Variants in FSIP2 observed in about 807,000 individuals in gnomAD.
FSIP2 encodes fibrous sheath-interacting protein 2.
FSIP2 carries 367 observed loss-of-function variants against 510.5 expected under a neutral mutation model. That is an observed-to-expected ratio of 0.72 (90% CI 0.66 to 0.78). The LOEUF (loss-of-function observed/expected upper bound fraction) is 0.78. Ranked by LOEUF, FSIP2 falls within the 30% of genes least tolerant of loss-of-function variation. The pLI, the probability that FSIP2 is intolerant of heterozygous loss-of-function variation, is 0.00. For missense variants in FSIP2, 7,594 were observed against 7,901.7 expected, an observed-to-expected ratio of 0.96 and a Z score of 1.48; for synonymous variants, 2,601 against 2,732.2, an observed-to-expected ratio of 0.95 and a Z score of 1.50.
chr2:185,791,225 T>C lies in FSIP2; in HGVS notation c.4089T>C (p.Asp1363=). Residue 1363 remains aspartate, a synonymous_variant, in exon 16 of 23, where the codon GAT becomes GAC. Coordinates refer to ENST00000424728, the MANE Select transcript of FSIP2 (RefSeq NM_173651.4). ...LASPLLTCIY[D]MLLSSENAHQ... ...GTCCATTATTAACCTGTATTTATGA[T>C]ATGTTGTTATCAAGTGAAAATGCAC... 1 of 1,533,870 alleles carries C rather than the reference T, an allele frequency of 6.5e-7. No homozygotes were observed. Among genetic ancestry groups the C allele is most frequent in the African/African-American group, 1.4e-5 (1 of 73,016 alleles).
chr2:185,747,964 CTGTT>C (rs565387535), intron 7 of FSIP2, among the ~76,000 whole-genome samples: 197 of 152,050 alleles, frequency 1.3e-3, no homozygotes, highest in Non-Finnish European at 2.4e-3. Flanking sequence ...GTTCTGTAGG[CTGTT>C]TTTTTCATGT....
Position 185,763,220 on chromosome 2 carries a change from A to G in FSIP2, c.1278A>G (p.Ser426=), listed in dbSNP as rs1415596511. Residue 426 remains serine, a synonymous_variant, in exon 12 of 23, where the codon TCA becomes TCG. Transcript: ENST00000424728. The stretch of plus-strand genomic sequence containing the variant: ...TTTCAGGCCAAGGTTCAATTATTTC[A>G]GCGCAGGTATCACCCACGAGAAATT... ...INISGQGSII[S]AQVSPTRNFS... The G allele has an allele frequency of 6.6e-7, 1 of 1,515,600 alleles. No homozygotes were observed. The highest frequency in any genetic ancestry group is 2.0e-5 in the Admixed American group (1 of 50,812). The allele number at this position is 1,515,600 out of a possible 1,614,324, so 93.9% of individuals were successfully genotyped here. A position where few individuals can be genotyped will look rare whatever the true frequency, so the allele number is the denominator to read the frequency against.
At chr2:185,773,706 T>C (rs1219303175) in intron 13 of FSIP2, among the ~76,000 whole-genome samples, 1 of 152,228 alleles carries the variant, frequency 6.6e-6, no homozygotes, top group Non-Finnish European at 1.5e-5. Flanking sequence ...CCTCATTAAA[T>C]GTTTCCAAGG....
intron 7 of FSIP2, among the ~76,000 whole-genome samples, chr2:185,751,919 T>G (rs1692156634): frequency 6.6e-6 from 1 of 151,362 alleles, no homozygotes; most frequent in Non-Finnish European, 1.5e-5. Context: ...TACATACACG[T>G]AATAATTCCC....
In FSIP2 at chr2:185,803,308, G is replaced by T. The variant is rs1287261017; in HGVS notation, c.14002G>T (p.Glu4668Ter). Reference sequence around the variant, plus strand: ...AGAACTCATACATTTGATTACAGGGGAATTCTCAAAAGCCCAAGTTAGCAT... The same window carrying T: ...AGAACTCATACATTTGATTACAGGGTAATTCTCAAAAGCCCAAGTTAGCAT... ...AEELIHLITG[E>*]FSKAQVSIID... The change falls in exon 17 of 23, where the codon GAA (glutamate) becomes TAA (stop). Residue 4668 changes from glutamate (E) to a stop codon, truncating the protein, a stop_gained. Coordinates refer to ENST00000424728, the MANE Select transcript of FSIP2 (RefSeq NM_173651.4). LOFTEE classifies it high-confidence loss of function. 3.9e-6 allele frequency: 6 copies of T among 1,528,172 alleles called. No individual in the cohort carries two copies. Among genetic ancestry groups the T allele is most frequent in the African/African-American group, 1.4e-5 (1 of 72,522 alleles). The allele number at this position is 1,528,172 out of a possible 1,614,324, so 94.7% of individuals were successfully genotyped here. A position where few individuals can be genotyped will look rare whatever the true frequency, so the allele number is the denominator to read the frequency against.
intron 14 of FSIP2, 124 bp downstream of exon 14, chr2:185,782,886 CTT>C (rs1285422456): frequency 4.6e-6 from 3 of 646,088 alleles, no homozygotes; most frequent in Non-Finnish European, 8.2e-6. Flanking sequence ...TTTAGTGAAA[CTT>C]AGTCTTTTGC....
intron 13 of FSIP2, among the ~76,000 whole-genome samples, chr2:185,781,466 T>TGTAA (rs756866969): frequency 3.3e-5 from 5 of 152,184 alleles, no homozygotes; most frequent in South Asian, 4.1e-4. Flanking sequence ...TGAACCCCAC[T>TGTAA]GTAAGTCAAG....
Position 185,756,023 on chromosome 2 carries a change from C to A in FSIP2, c.992-169C>A, listed in dbSNP as rs570994675. 5.9e-5 allele frequency among the ~76,000 whole-genome samples: 9 copies of A among 151,614 alleles called. No homozygotes were observed. In the East Asian group the frequency reaches 1.8e-3, roughly 30 times the overall value. On this transcript the variant is annotated intron_variant, in intron 8 of 22. Transcript: ENST00000424728. Reference sequence around the variant, plus strand: ...TAAGGGATAATATTTCAAGAATTGTCTTTTCTCCCATTTCACATCACTGTA... The same window carrying A: ...TAAGGGATAATATTTCAAGAATTGTATTTTCTCCCATTTCACATCACTGTA...
Position 185,807,898 on chromosome 2 carries a change from C to A in FSIP2, c.18592C>A (p.His6198Asn), listed in dbSNP as rs763345782. The A allele has an allele frequency of 6.9e-6, 11 of 1,601,732 alleles. No individual in the cohort carries two copies. The South Asian group carries it at 1.2e-4, about 18-fold the overall frequency. The change falls in exon 17 of 23, where the codon CAT becomes AAT. Residue 6198 changes from histidine to asparagine, a missense_variant. Coordinates refer to ENST00000424728, the MANE Select transcript of FSIP2 (RefSeq NM_173651.4). The part of the protein sequence containing the change: ...SKLLSIFPKV[H>N]KERTKSLETD... ...GCTTTTATCTATATTTCCAAAAGTA[C>A]ATAAAGAAAGAACAAAATCTCTAGA...
In FSIP2 at chr2:185,791,203, CATT is replaced by C. The variant is rs1559026277; in HGVS notation, c.4072_4074del (p.Leu1358del). The C allele has an allele frequency of 2.0e-6, 3 of 1,533,730 alleles. No homozygotes were observed. The highest frequency in any genetic ancestry group is 2.4e-5 in the South Asian group (2 of 83,984). On this transcript the variant is annotated inframe_deletion, in exon 16 of 23. Transcript: ENST00000424728. ...ATTGATGATGACATTTTGGCGAGTC[CATT>C]ATTAACCTGTATTTATGATATGTTG...
Position 185,804,419 on chromosome 2 carries a change from C to A in FSIP2, c.15113C>A (p.Ser5038Tyr), listed in dbSNP as rs1338799442. ...GGAAAAGTATTAGATCAATATAAAT[C>A]TCTGATTCAAATACATAGGGTTATA... ...VYGKVLDQYK[S>Y]LIQIHRVIQS... The change falls in exon 17 of 23, where the codon TCT becomes TAT. Residue 5038 changes from serine to tyrosine, a missense_variant. Transcript: ENST00000424728. 2 of 1,507,078 alleles carry A rather than the reference C, an allele frequency of 1.3e-6. No homozygotes were observed. Among genetic ancestry groups the A allele is most frequent in the Non-Finnish European group, 1.8e-6 (2 of 1,129,392 alleles). The allele number at this position is 1,507,078 out of a possible 1,614,324, so 93.4% of individuals were successfully genotyped here. A position where few individuals can be genotyped will look rare whatever the true frequency, so the allele number is the denominator to read the frequency against.
chr2:185,741,044 G>C (rs1691912959), intron 2 of FSIP2, among the ~76,000 whole-genome samples: 1 of 151,870 alleles, frequency 6.6e-6, no homozygotes, highest in South Asian at 2.1e-4. Flanking sequence ...CACACAACTT[G>C]AGTCACATCC....
rs542857436 is a variant in FSIP2 at position 185,796,391 on chromosome 2, C to A, written c.9255C>A (p.Ile3085=). Residue 3085 remains isoleucine (I), a synonymous_variant, in exon 16 of 23, where the codon ATC becomes ATA. Transcript: ENST00000424728. ...HSQLLTYAVN[I]ISDMLAVIKN... is the part of the protein sequence containing the mutation. Reference sequence around the variant, plus strand: ...AATTACTTACATATGCTGTTAATATCATCAGTGACATGCTTGCTGTAATTA... The same window carrying A: ...AATTACTTACATATGCTGTTAATATAATCAGTGACATGCTTGCTGTAATTA... 3 of 1,533,394 alleles carry A rather than the reference C, an allele frequency of 2.0e-6. No individual in the cohort carries two copies. The highest frequency in any genetic ancestry group is 2.4e-5 in the South Asian group (2 of 83,940). 95.0% of individuals were successfully genotyped at this position (1,533,394 alleles called of 1,614,324 possible).
At position 185,801,590 on chromosome 2, in the gene FSIP2, G is replaced by A. The variant is rs1242525931; in HGVS notation, c.12284G>A (p.Cys4095Tyr). ...LEILDYKLPS[C>Y]FKEHLIPHSY... ...ATTTTAGACTACAAACTGCCATCTTGCTTCAAGGAACATCTCATACCCCAT... is the reference window on the plus strand; with the variant it reads ...ATTTTAGACTACAAACTGCCATCTTACTTCAAGGAACATCTCATACCCCAT... Residue 4095 changes from cysteine (C) to tyrosine (Y), a missense_variant, in exon 17 of 23, where the codon TGC becomes TAC. Cys to Tyr is a radical substitution (Grantham distance 194, BLOSUM62 -2). Transcript: ENST00000424728. 7 of 1,533,966 alleles carry A rather than the reference G, an allele frequency of 4.6e-6. No individual in the cohort carries two copies. The South Asian group carries it at 7.1e-5, about 16-fold the overall frequency.
rs1311020998 is a variant in FSIP2 at position 185,792,444 on chromosome 2, A to G, written c.5308A>G (p.Lys1770Glu). The change falls in exon 16 of 23, where the codon AAA becomes GAA. Residue 1770 changes from lysine to glutamate, a missense_variant. Transcript: ENST00000424728. ...CTTAAACAAAATTGAAGTAAAACTCAAAGAACCACATATATCTCCAATTGC... is the reference window on the plus strand; with the variant it reads ...CTTAAACAAAATTGAAGTAAAACTCGAAGAACCACATATATCTCCAATTGC... ...KTLNKIEVKL[K>E]EPHISPIAPI... 6.5e-7 allele frequency: 1 copy of G among 1,532,954 alleles called. No individual in the cohort carries two copies. The allele number at this position is 1,532,954 out of a possible 1,614,324, so 95.0% of individuals were successfully genotyped here.
chr2:185,828,242 T>C, intron 21 of FSIP2, 43 bp downstream of exon 21: 1 of 1,097,708 alleles, frequency 9.1e-7, no homozygotes, highest in Non-Finnish European at 1.4e-6. Flanking sequence ...TATTAGGAGC[T>C]AGTTCAGAAC....
intron 20 of FSIP2, among the ~76,000 whole-genome samples, chr2:185,825,413 A>G (rs1242898786): frequency 6.6e-6 from 1 of 151,794 alleles, no homozygotes; most frequent in Non-Finnish European, 1.5e-5. Context: ...AGACCAATGT[A>G]ACAGACATGG....
intron 19 of FSIP2, 35 bp downstream of exon 19, chr2:185,815,506 C>A: frequency 2.0e-6 from 2 of 1,010,042 alleles, no homozygotes; most frequent in South Asian, 1.5e-5. Flanking sequence ...ATATAGAAAT[C>A]TGATAAAGTA....
intron 14 of FSIP2, among the ~76,000 whole-genome samples, chr2:185,782,987 C>T (rs753348402): frequency 9.8e-4 from 149 of 152,256 alleles, no homozygotes; most frequent in Admixed American, 9.7e-3. Context: ...CAGCTATAGT[C>T]AGGGTCTCCA....
Sources: allele counts gnomAD v4.1 joint callset (sites outside exome capture counted in the v4.1 genomes callset), GRCh38; gene constraint gnomAD v4.1.1; transcripts MANE v1.5; gene names NCBI Gene and HGNC (gene_info 2026-07-23, HGNC 2026-07-21).